The following B3GALT1 variants were observed in gnomAD, a reference collection of about 807,000 sequenced individuals.
B3GALT1 encodes the protein beta-1,3-galactosyltransferase 1.
B3GALT1 carries 10 observed loss-of-function variants against 23.2 expected under a neutral mutation model. The ratio of observed to expected loss-of-function variants is 0.43; its 90% confidence interval spans 0.27 to 0.73. The LOEUF (loss-of-function observed/expected upper bound fraction) is 0.73, where lower values mean the gene tolerates loss of function less well. Among genes scored for constraint, B3GALT1 ranks in the 30% least tolerant of loss-of-function variants. The pLI, the probability that B3GALT1 is intolerant of heterozygous loss-of-function variation, is 0.21. For synonymous variants in B3GALT1, 156 were observed against 141.5 expected (o/e 1.10, Z -0.73); for missense variants, 299 against 405.4 (o/e 0.74, Z 2.25).
intron 2 of B3GALT1, among the ~76,000 whole-genome samples, chr2:167,557,036 C>A (rs1683865594): frequency 6.6e-6 from 1 of 152,036 alleles, no homozygotes; most frequent in African/African-American, 2.4e-5. Flanking sequence ...TAAAACTAAA[C>A]CATTTGGCTG....
At chr2:167,707,345 C>T (rs956025189) in intron 3 of B3GALT1, among the ~76,000 whole-genome samples, 11 of 152,000 alleles carry the variant, frequency 7.2e-5, no homozygotes, top group African/African-American at 2.7e-4. Flanking sequence ...GACAGATATG[C>T]GTTTGCTGCC....
At chr2:167,855,959 C>CA (rs969407999) in intron 4 of B3GALT1, among the ~76,000 whole-genome samples, 8 of 151,404 alleles carry the variant, frequency 5.3e-5, no homozygotes, top group East Asian at 3.9e-4. Flanking sequence ...TAAACAACAA[C>CA]AAAAAAAATA....
Position 167,868,877 on chromosome 2 carries a change from A to G in B3GALT1, c.-163A>G. 1.3e-6 allele frequency: 1 copy of G among 742,686 alleles called. No homozygotes were observed. The highest frequency in any genetic ancestry group is 2.6e-5 in the East Asian group (1 of 38,750). The allele number at this position is 742,686 out of a possible 1,614,324, so 46.0% of individuals were successfully genotyped here. ...ATTTGGAAGAAAGTAGAATGAGCGC[A>G]GAGGTGACAGACAGCCACTGAGGCC... On this transcript the variant is annotated 5_prime_UTR_variant, in exon 5 of 5. Transcript: ENST00000392690.
chr2:167,835,252 A>G (rs551162671), intron 4 of B3GALT1, among the ~76,000 whole-genome samples: 2 of 152,348 alleles, frequency 1.3e-5, no homozygotes, highest in African/African-American at 4.8e-5. Flanking sequence ...AGGAAGCGCA[A>G]GGGGTCAGGG....
chr2:167,343,890 TA>T (rs1363563375), intron 1 of B3GALT1, among the ~76,000 whole-genome samples: 1 of 152,116 alleles, frequency 6.6e-6, no homozygotes, highest in African/African-American at 2.4e-5. Flanking sequence ...GATCTGCTTG[TA>T]AAAATGCTTG....
chr2:167,381,915 T>C (rs530133589), intron 1 of B3GALT1, among the ~76,000 whole-genome samples: 2 of 152,334 alleles, frequency 1.3e-5, no homozygotes, highest in East Asian at 1.9e-4. Flanking sequence ...TCTGATGATG[T>C]AGACAGCGAG....
intron 1 of B3GALT1, among the ~76,000 whole-genome samples, chr2:167,424,810 A>G (rs1397997762): frequency 6.6e-6 from 1 of 152,230 alleles, no homozygotes; most frequent in Non-Finnish European, 1.5e-5. Flanking sequence ...AGACTTACAT[A>G]TACTACACCT....
intron 1 of B3GALT1, among the ~76,000 whole-genome samples, chr2:167,306,570 T>A (rs1559061223): frequency 6.6e-6 from 1 of 152,042 alleles, no homozygotes; most frequent in Non-Finnish European, 1.5e-5. Context: ...TTTAACTTAT[T>A]TCTCACTATT....
chr2:167,520,275 C>T (rs906623796), intron 2 of B3GALT1, among the ~76,000 whole-genome samples: 3 of 151,240 alleles, frequency 2.0e-5, no homozygotes, highest in African/African-American at 7.3e-5. Flanking sequence ...GTCTTTTTTA[C>T]ATTATAACTG....
At chr2:167,435,145 A>C (rs1267899079) in intron 1 of B3GALT1, among the ~76,000 whole-genome samples, 1 of 152,090 alleles carries the variant, frequency 6.6e-6, no homozygotes. Flanking sequence ...GCAAAGTTTA[A>C]GAAACCGAAG....
intron 2 of B3GALT1, among the ~76,000 whole-genome samples, chr2:167,540,897 A>G (rs1255763645): frequency 2.0e-5 from 3 of 152,208 alleles, no homozygotes; most frequent in Admixed American, 2.0e-4. Context: ...TGTTAATATG[A>G]AATTATTGAA....
intron 1 of B3GALT1, among the ~76,000 whole-genome samples, chr2:167,405,319 C>T (rs1698259292): frequency 6.6e-6 from 1 of 152,018 alleles, no homozygotes; most frequent in Non-Finnish European, 1.5e-5. Flanking sequence ...TTTAATAATA[C>T]TTTTAATAAT....
chr2:167,594,811 C>T (rs1466505413), intron 2 of B3GALT1, among the ~76,000 whole-genome samples: 2 of 151,948 alleles, frequency 1.3e-5, no homozygotes, highest in Non-Finnish European at 2.9e-5. Flanking sequence ...GATGCTGAGG[C>T]AGGAGCATTG....
intron 3 of B3GALT1, among the ~76,000 whole-genome samples, chr2:167,782,418 A>G (rs1306862490): frequency 2.6e-5 from 4 of 152,188 alleles, no homozygotes; most frequent in African/African-American, 9.7e-5. Flanking sequence ...AGGAGTCAAG[A>G]CCTGGCATCA....
chr2:167,390,675 C>T (rs748989751), intron 1 of B3GALT1, among the ~76,000 whole-genome samples: 15 of 152,158 alleles, frequency 9.9e-5, no homozygotes, highest in Admixed American at 9.2e-4. Context: ...GCATCATTCT[C>T]GATGCTTGTA....
intron 2 of B3GALT1, among the ~76,000 whole-genome samples, chr2:167,524,477 A>G (rs1683189033): frequency 6.6e-6 from 1 of 152,198 alleles, no homozygotes. Context: ...TAATTAGTTT[A>G]GGCTGTTAAA....
At chr2:167,635,701 C>G (rs904360399) in intron 2 of B3GALT1, among the ~76,000 whole-genome samples, 1 of 152,102 alleles carries the variant, frequency 6.6e-6, no homozygotes, top group African/African-American at 2.4e-5. Flanking sequence ...AGAGAGGACA[C>G]AAACAAATGG....
intron 1 of B3GALT1, among the ~76,000 whole-genome samples, chr2:167,386,535 C>A (rs1372126249): frequency 6.6e-6 from 1 of 152,024 alleles, no homozygotes; most frequent in Non-Finnish European, 1.5e-5. Context: ...TGGGATATCA[C>A]CAGGTATTGA....
intron 3 of B3GALT1, among the ~76,000 whole-genome samples, chr2:167,813,751 A>G (rs1688937271): frequency 6.6e-6 from 1 of 152,296 alleles, no homozygotes; most frequent in Non-Finnish European, 1.5e-5. Flanking sequence ...GTACCCTTAA[A>G]TATTTCTGCT....
Sources: allele counts gnomAD v4.1 joint callset (sites outside exome capture counted in the v4.1 genomes callset), GRCh38; gene constraint gnomAD v4.1.1; transcripts MANE v1.5; gene names NCBI Gene and HGNC (gene_info 2026-07-23, HGNC 2026-07-21).